Variants in MS4A18 observed in about 807,000 individuals in gnomAD.
The protein encoded by MS4A18 is membrane-spanning 4-domains subfamily A member 18.
MS4A18 carries 27 observed loss-of-function variants against 13.1 expected under a neutral mutation model. The ratio of observed to expected loss-of-function variants is 2.06; its 90% CI spans 1.52 to 2.84. MS4A18 has a LOEUF of 2.84. MS4A18 is among the 30% of genes most tolerant of loss of function. The pLI, the probability that MS4A18 is intolerant of heterozygous loss-of-function variation, is 0.00. For missense variants in MS4A18, 307 were observed against 196.4 expected (o/e 1.56, Z -3.37); for synonymous variants, 126 against 76.5 (o/e 1.65, Z -3.38).
chr11:60,730,540 C>T (rs900080850), intron 1 of MS4A18, among the ~76,000 whole-genome samples: 1 of 152,214 alleles, frequency 6.6e-6, no homozygotes, highest in African/African-American at 2.4e-5. Context: ...GTCATAATTA[C>T]AATACCTTCT....
intron 4 of MS4A18, among the ~76,000 whole-genome samples, chr11:60,739,606 C>A (rs902664522): frequency 6.6e-6 from 1 of 152,260 alleles, no homozygotes; most frequent in South Asian, 2.1e-4. Context: ...TTAGCTACAC[C>A]CTGTCCTGGA....
chr11:60,726,583 G>T (rs1048908078), upstream of MS4A18, among the ~76,000 whole-genome samples: 2 of 152,070 alleles, frequency 1.3e-5, no homozygotes, highest in African/African-American at 4.8e-5. Context: ...CAAGTTCCCG[G>T]TGATACTGAT....
At chr11:60,733,932 G>T (rs908951857) in intron 2 of MS4A18, among the ~76,000 whole-genome samples, 1 of 151,880 alleles carries the variant, frequency 6.6e-6, no homozygotes, top group African/African-American at 2.4e-5. Context: ...CCCTCTCTGG[G>T]TTCTCTTTTA....
intron 1 of MS4A18, among the ~76,000 whole-genome samples, chr11:60,731,291 A>T (rs1362986694): frequency 6.6e-6 from 1 of 152,242 alleles, no homozygotes; most frequent in Non-Finnish European, 1.5e-5. Flanking sequence ...TTATTCTAAG[A>T]TATTTTGGAA....
Position 60,736,974 on chromosome 11 carries a change from G to A in MS4A18, c.592-4G>A, listed in dbSNP as rs756899365. The A allele has an allele frequency of 5.7e-5, 39 of 686,218 alleles. No homozygotes were observed. The Middle Eastern group carries it at 7.2e-4, about 13-fold the overall frequency. 42.5% of individuals were successfully genotyped at this position (686,218 alleles called of 1,614,324 possible). On this transcript the variant is annotated splice_polypyrimidine_tract_variant and splice_region_variant and intron_variant, in intron 2 of 5. Transcript: ENST00000529108. ...TTCTTTTTTTTTTTTTTTTGTCTGC[G>A]TAGTATATTGTATCTGGATCCCTCT... is the stretch of plus-strand genomic sequence containing the variant.
At chr11:60,735,958 A>G (rs1853333009) in intron 2 of MS4A18, among the ~76,000 whole-genome samples, 1 of 152,102 alleles carries the variant, frequency 6.6e-6, no homozygotes. Context: ...TAGCACGTCC[A>G]GCCTCCCTTG....
At chr11:60,729,384 C>T in exon 1 of MS4A18, 1 of 702,828 alleles carries the variant, frequency 1.4e-6, no homozygotes, top group Non-Finnish European at 2.6e-6. Flanking sequence ...TTCACGTCAT[C>T]CAGCCCAGCA....
exon 1 of MS4A18, chr11:60,729,560 G>A (rs1012272496): frequency 1.7e-5 from 12 of 702,604 alleles, no homozygotes; most frequent in Admixed American, 8.0e-5. Flanking sequence ...GGGTATCAGC[G>A]ACAGTATCCA....
intron 2 of MS4A18, among the ~76,000 whole-genome samples, chr11:60,733,982 G>A (rs975102351): frequency 3.3e-5 from 5 of 152,084 alleles, no homozygotes; most frequent in African/African-American, 7.2e-5. Flanking sequence ...GGTGGCTCAC[G>A]CAGGTAATCC....
intron 1 of MS4A18, among the ~76,000 whole-genome samples, chr11:60,732,693 T>G (rs1853274291): frequency 2.1e-5 from 3 of 142,640 alleles, no homozygotes; most frequent in Admixed American, 7.6e-5. Flanking sequence ...ATCACGCCAT[T>G]GCACTCCAGC....
chr11:60,740,011 G>A (rs954675037), intron 4 of MS4A18, among the ~76,000 whole-genome samples: 3 of 152,230 alleles, frequency 2.0e-5, no homozygotes, highest in African/African-American at 7.2e-5. Flanking sequence ...GAAGCCTGAT[G>A]CACAGGGTGT....
chr11:60,743,526 A>G (rs1853436967), intron 5 of MS4A18, 124 bp from the exon 7 acceptor site: 5 of 625,648 alleles, frequency 8.0e-6, no homozygotes, highest in South Asian at 3.8e-5. Flanking sequence ...TCACATGACC[A>G]AGCCCAGCAT....
Position 60,738,892 on chromosome 11 carries a change from T to C in MS4A18, c.649-10T>C. The C allele has an allele frequency of 2.8e-6, 2 of 703,152 alleles. No homozygotes were observed. Among genetic ancestry groups the C allele is most frequent in the Admixed American group, 4.0e-5 (2 of 50,004 alleles). 43.6% of individuals were successfully genotyped at this position (703,152 alleles called of 1,614,324 possible). A position where few individuals can be genotyped will look rare whatever the true frequency, so the allele number is the denominator to read the frequency against. On this transcript the variant is annotated splice_polypyrimidine_tract_variant and intron_variant, in intron 3 of 5. Coordinates refer to ENST00000529108, the Ensembl canonical transcript of MS4A18. ...TCGGCTCCCTCTCTCCTCTCCCTCC[T>C]CTCCTGCAGGTGAACAGCAGCATCA...
intron 2 of MS4A18, among the ~76,000 whole-genome samples, chr11:60,734,070 C>T (rs1420514540): frequency 6.6e-6 from 1 of 151,940 alleles, no homozygotes; most frequent in Non-Finnish European, 1.5e-5. Context: ...ATGGCAAGAC[C>T]TCCCCCCACC....
chr11:60,737,893 C>T (rs1437795617), intron 3 of MS4A18, among the ~76,000 whole-genome samples: 1 of 152,202 alleles, frequency 6.6e-6, no homozygotes, highest in African/African-American at 2.4e-5. Context: ...TGCCTTGCTT[C>T]ACCCCCTTTA....
chr11:60,741,131 C>G, exon 5 of MS4A18: 1 of 703,024 alleles, frequency 1.4e-6, no homozygotes, highest in South Asian at 1.5e-5. Context: ...CTACCTGCTG[C>G]AGACAATTTG....
At chr11:60,740,743 T>A (rs1853402329) in intron 4 of MS4A18, among the ~76,000 whole-genome samples, 1 of 152,186 alleles carries the variant, frequency 6.6e-6, no homozygotes, top group South Asian at 2.1e-4. Context: ...CAAGAGGCAC[T>A]CATTTCCTGG....
intron 4 of MS4A18, among the ~76,000 whole-genome samples, chr11:60,739,971 A>G (rs185298820): frequency 2.0e-5 from 3 of 152,282 alleles, no homozygotes; most frequent in African/African-American, 7.2e-5. Flanking sequence ...GGCAGTCCCT[A>G]AGGGGAGAGC....
At chr11:60,737,132 C>T in intron 3 of MS4A18, 98 bp downstream of exon 4, 2 of 690,238 alleles carry the variant, frequency 2.9e-6, no homozygotes, top group Non-Finnish European at 5.3e-6. Flanking sequence ...TGTGGCCTGG[C>T]CCTGGCCCTG....
Sources: allele counts gnomAD v4.1 joint callset (sites outside exome capture counted in the v4.1 genomes callset), GRCh38; gene constraint gnomAD v4.1.1; transcripts MANE v1.5; gene names NCBI Gene and HGNC (gene_info 2026-07-23, HGNC 2026-07-21).